POLR3A: variants seen among roughly 807,000 people sequenced by gnomAD.
The protein encoded by POLR3A is RNA polymerase III subunit A.
A neutral mutation model predicts 152.8 loss-of-function variants in POLR3A; 112 were observed. The observed-to-expected ratio is 0.73, with a 90% CI of 0.63 to 0.86. The LOEUF is 0.86. POLR3A is among the 40% of genes least tolerant of loss of function. The pLI, the probability that POLR3A is intolerant of heterozygous loss-of-function variation, is 0.00. For synonymous variants in POLR3A, 615 were observed against 652.1 expected (o/e 0.94, Z 0.87); for missense variants, 1,385 against 1,743.1 (o/e 0.79, Z 3.66).
In POLR3A at chr10:78,005,452, C is replaced by T. The variant is rs75964539; in HGVS notation, c.2075-564G>A. On this transcript the variant is annotated intron_variant, in intron 15 of 30. Coordinates refer to ENST00000372371, the MANE Select transcript of POLR3A (RefSeq NM_007055.4). ...ACAGAGCAAGACCCTGTGTCACACA[C>T]ACAAAAAAGTATTCTCCAACTTTGA... 7.6e-3 allele frequency among the ~76,000 whole-genome samples: 1,155 copies of T among 152,302 alleles called. 8 individuals carry two copies. The highest frequency in any genetic ancestry group is 0.012 in the Non-Finnish European group (838 of 68,014).
chr10:77,988,746 T>C (rs944874962), intron 21 of POLR3A, among the ~76,000 whole-genome samples: 1 of 152,186 alleles, frequency 6.6e-6, no homozygotes, highest in Admixed American at 6.5e-5. Context: ...ATTTTTCCTC[T>C]ATATATTCAG....
In POLR3A at chr10:77,977,552, C is replaced by T. The variant is rs779357545; in HGVS notation, c.4099G>A (p.Asp1367Asn). The T allele has an allele frequency of 4.3e-6, 7 of 1,613,908 alleles. No individual in the cohort carries two copies. The Admixed American group carries it at 8.3e-5, about 19-fold the overall frequency. Reference sequence around the variant, plus strand: ...CTCTTGGGAGGGTTCGGGTCCCTGTCAGCCTTGTGAAGCAGCTTGAAGAGC... The same window carrying T: ...CTCTTGGGAGGGTTCGGGTCCCTGTTAGCCTTGTGAAGCAGCTTGAAGAGC... ...TGLFKLLHKA[D>N]RDPNPPKRPL... The change falls in exon 31 of 31, where the codon GAC becomes AAC. Residue 1367 changes from aspartate to asparagine, a missense_variant. Physicochemically the swap from Asp to Asn is conservative, Grantham distance 23. Coordinates refer to ENST00000372371, the MANE Select transcript of POLR3A (RefSeq NM_007055.4).
intron 11 of POLR3A, chr10:78,013,438 T>C (rs1383148326): frequency 3.4e-6 from 2 of 591,552 alleles, no homozygotes; most frequent in Non-Finnish European, 3.0e-6. Context: ...ACCCTAACTC[T>C]CATGTATATA....
intron 9 of POLR3A, 60 bp from the exon 10 acceptor site, chr10:78,017,776 C>A: frequency 6.5e-7 from 1 of 1,535,390 alleles, no homozygotes; most frequent in Non-Finnish European, 9.0e-7. Flanking sequence ...AAGTTTCTCC[C>A]TCTTCAGATC....
chr10:77,985,477 CAGAGAAAAAGCCTGGCAT>C (rs1443840728), intron 23 of POLR3A, 137 bp from the exon 24 acceptor site: 5 of 737,702 alleles, frequency 6.8e-6, no homozygotes, highest in Middle Eastern at 3.7e-4. Context: ...ATGTCTGTGA[CAGAGAAAAAGCCTGGCAT>C]AGACCAGAAA....
rs774876530 is a variant in POLR3A, at chr10:77,984,294, G to C, written c.3247C>G (p.Pro1083Ala). The change falls in exon 25 of 31, where the codon CCA becomes GCA. Residue 1083 changes from proline to alanine, a missense_variant. This residue lies in a region of POLR3A where 332 missense variants were observed against 400.1 expected (regional missense o/e 0.83). Transcript: ENST00000372371. ...IINASKAISTPIITAQLDKDD... is the reference protein window; with the variant it reads ...IINASKAISTAIITAQLDKDD... ...TTGTCTAGCTGTGCTGTGATAATTG[G>C]AGTGCTGTTGAGAAGCAAAGGAAAA... 6.2e-6 allele frequency: 10 copies of C among 1,604,658 alleles called. No individual in the cohort carries two copies. The highest frequency in any genetic ancestry group is 7.7e-6 in the Non-Finnish European group (9 of 1,171,750).
chr10:77,979,510 G>A (rs922590096), intron 30 of POLR3A, among the ~76,000 whole-genome samples: 1 of 152,174 alleles, frequency 6.6e-6, no homozygotes, highest in South Asian at 2.1e-4. Flanking sequence ...AGTTCCCCTC[G>A]TGCTCCCTCT....
At position 77,993,205 on chromosome 10, in the gene POLR3A, T is replaced by C. The variant is rs1847266431; in HGVS notation, c.2779A>G (p.Asn927Asp). ...EPLEFKRVLD[N>D]IKAVFPCPSE... ...ATAATGCTAAATCTTACTTTGATGTTGTCCAGAACCCTTTTAAACTCCAAA... is the reference window on the plus strand; with the variant it reads ...ATAATGCTAAATCTTACTTTGATGTCGTCCAGAACCCTTTTAAACTCCAAA... The change falls in exon 20 of 31, where the codon AAC becomes GAC. Residue 927 changes from asparagine (N) to aspartate (D), a missense_variant. Coordinates refer to ENST00000372371, the MANE Select transcript of POLR3A (RefSeq NM_007055.4). 1 of 1,613,168 alleles carries C rather than the reference T, an allele frequency of 6.2e-7. No homozygotes were observed. The highest frequency in any genetic ancestry group is 8.5e-7 in the Non-Finnish European group (1 of 1,179,110).
Position 78,013,799 on chromosome 10 carries a change from C to CACAAA in POLR3A, c.1432-14_1432-10dup, listed in dbSNP as rs769263035. 1.4e-5 allele frequency: 22 copies of CACAAA among 1,613,916 alleles called. 1 individual carries two copies. The highest frequency in any genetic ancestry group is 3.3e-5 in the Admixed American group (2 of 59,988). ...TGGGGCTTGACCCTGGCCTGTGGAA[C>CACAAA]ACAAAACAAAACAAAACAGGAAGAG... On this transcript the variant is annotated splice_polypyrimidine_tract_variant and intron_variant, in intron 10 of 30. Transcript: ENST00000372371.
chr10:78,006,088 A>T (rs1401359714), intron 15 of POLR3A, among the ~76,000 whole-genome samples: 1 of 152,178 alleles, frequency 6.6e-6, no homozygotes, highest in Admixed American at 6.5e-5. Flanking sequence ...TCAGGGATCA[A>T]AACAAGAAAG....
intron 11 of POLR3A, among the ~76,000 whole-genome samples, chr10:78,012,762 C>G (rs1433207782): frequency 3.3e-5 from 5 of 151,862 alleles, no homozygotes. Flanking sequence ...TGCTCTGTTG[C>G]CCAGGCTGAA....
Position 78,004,893 on chromosome 10 carries a change from T to C in POLR3A, c.2075-5A>G, listed in dbSNP as rs762595044. The C allele has an allele frequency of 4.3e-6, 7 of 1,613,898 alleles. No homozygotes were observed. The highest frequency in any genetic ancestry group is 3.3e-5 in the Admixed American group (2 of 60,010). ...CAATTGAGAAACCACGGTTAGCTGT[T>C]GAGTTGGTAGAGCAGGAAGAAAGGG... On this transcript the variant is annotated splice_polypyrimidine_tract_variant and splice_region_variant and intron_variant, in intron 15 of 30. Coordinates refer to ENST00000372371, the MANE Select transcript of POLR3A (RefSeq NM_007055.4).
At chr10:78,013,568 G>C in intron 11 of POLR3A, 82 bp downstream of exon 11, 1 of 1,398,704 alleles carries the variant, frequency 7.1e-7, no homozygotes, top group Non-Finnish European at 1.0e-6. Context: ...GTTGTTAGTT[G>C]TGGTGGTGTT....
intron 11 of POLR3A, 37 bp from the exon 12 acceptor site, chr10:78,010,577 C>T (rs377353946): frequency 1.9e-5 from 28 of 1,456,252 alleles, no homozygotes; most frequent in Middle Eastern, 1.7e-4. Context: ...TAGCTGTTCT[C>T]GGATGCATGA....
chr10:77,983,476 G>A (rs925054908), intron 26 of POLR3A, among the ~76,000 whole-genome samples: 1 of 152,178 alleles, frequency 6.6e-6, no homozygotes, highest in Non-Finnish European at 1.5e-5. Flanking sequence ...TCTTTCAACT[G>A]TTGCCTATTA....
At chr10:78,005,846 T>TC (rs1490720456) in intron 15 of POLR3A, among the ~76,000 whole-genome samples, 2 of 152,148 alleles carry the variant, frequency 1.3e-5, no homozygotes, top group Admixed American at 6.5e-5. Flanking sequence ...GTCTGTATAT[T>TC]CCTTTTATAT....
At chr10:77,984,093 G>A in intron 25 of POLR3A, 81 bp from the exon 26 acceptor site, 1 of 1,269,632 alleles carries the variant, frequency 7.9e-7, no homozygotes, top group East Asian at 2.3e-5. Context: ...TTTTTGAAGA[G>A]CTTGAGTAGT....
intron 10 of POLR3A, among the ~76,000 whole-genome samples, chr10:78,016,353 G>A (rs1847523464): frequency 6.7e-6 from 1 of 149,016 alleles, no homozygotes; most frequent in African/African-American, 2.5e-5. Context: ...AGGATCCATT[G>A]AGCACAGGAG....
At chr10:77,985,545 A>G (rs889928414) in intron 23 of POLR3A, among the ~76,000 whole-genome samples, 11 of 152,256 alleles carry the variant, frequency 7.2e-5, no homozygotes, top group African/African-American at 1.9e-4. Context: ...GAGAGGGGGC[A>G]GCAGTGCAAC....
Sources: gnomAD v4.1 joint callset for allele counts (sites outside exome capture counted in the v4.1 genomes callset) on GRCh38, gnomAD v4.1.1 for gene constraint, gnomAD v4.1.1 regional missense constraint, MANE v1.5 for transcripts, NCBI Gene and HGNC (gene_info 2026-07-23, HGNC 2026-07-21) for gene names.